The following BPNT2 variants were observed in gnomAD, a reference collection of about 807,000 sequenced individuals.
BPNT2 encodes the protein 3'(2'), 5'-bisphosphate nucleotidase 2, also known as Golgi-resident adenosine 3',5'-bisphosphate 3'-phosphatase.
A neutral mutation model predicts 29.3 loss-of-function variants in BPNT2; 11 were observed. The observed-to-expected ratio is 0.38, with a 90% CI of 0.24 to 0.62. BPNT2 has a LOEUF of 0.62. Among genes scored for constraint, BPNT2 ranks in the 20% least tolerant of loss-of-function variants. The probability of loss-of-function intolerance (pLI) is 0.62; values close to 1 mark genes in which losing one functional copy is unlikely to be tolerated. For synonymous variants in BPNT2, 195 were observed against 187.7 expected (o/e 1.04, Z -0.32); for missense variants, 459 against 473.4 (o/e 0.97, Z 0.28).
intron 3 of BPNT2, chr8:56,967,257 G>T (rs1267318393): frequency 4.4e-6 from 2 of 456,220 alleles, no homozygotes; most frequent in Non-Finnish European, 8.8e-6. Flanking sequence ...CTGAGTTTGG[G>T]TTTCTGAGTT....
In BPNT2 at chr8:56,993,636, CCCGCCGCCG is replaced by C. The variant is rs756084314; in HGVS notation, c.-60_-52del. 59 of 1,230,250 alleles carry C rather than the reference CCCGCCGCCG, an allele frequency of 4.8e-5. 1 individual carries two copies. The African/African-American group carries it at 5.1e-4, about 11-fold the overall frequency. The allele number at this position is 1,230,250 out of a possible 1,614,324, so 76.2% of individuals were successfully genotyped here. On this transcript the variant is annotated 5_prime_UTR_variant, in exon 1 of 5. Coordinates refer to ENST00000262644, the MANE Select transcript of BPNT2 (RefSeq NM_017813.5). Reference sequence around the variant, plus strand: ...CTGCGGCTCTCACAGGCCTCCAGCGCCCGCCGCCGCCGCCGCCGCAGCCGCCGCGCTCCG... The same window carrying C: ...CTGCGGCTCTCACAGGCCTCCAGCGCCCGCCGCCGCAGCCGCCGCGCTCCG...
chr8:56,993,756 G>T lies in BPNT2; in HGVS notation c.-171C>A. On this transcript the variant is annotated 5_prime_UTR_variant, in exon 1 of 5. Transcript: ENST00000262644. ...TCCCTCCCAGGAAAGGCCGAGTTGC[G>T]CCGCGAAGACCACCAACGCCGCCCC... 2.3e-6 allele frequency: 2 copies of T among 868,758 alleles called. No homozygotes were observed. Among genetic ancestry groups the T allele is most frequent in the Non-Finnish European group, 2.8e-6 (2 of 719,556 alleles). 53.8% of individuals were successfully genotyped at this position (868,758 alleles called of 1,614,324 possible).
intron 1 of BPNT2, among the ~76,000 whole-genome samples, chr8:56,988,059 C>T (rs144217093): frequency 3.8e-4 from 58 of 152,224 alleles, no homozygotes; most frequent in African/African-American, 1.3e-3. Context: ...TATAAATAAA[C>T]GTACCTCTAC....
In BPNT2 at chr8:56,963,160, T is replaced by C. The variant is rs1296105909; in HGVS notation, c.*633A>G. The stretch of plus-strand genomic sequence containing the variant: ...AACACACACACATACACACAGAAAT[T>C]ATTACAATGCAAATCATCATGTGTC... On this transcript the variant is annotated 3_prime_UTR_variant, in exon 5 of 5. Coordinates refer to ENST00000262644, the MANE Select transcript of BPNT2 (RefSeq NM_017813.5). 1.3e-5 allele frequency: 2 copies of C among 152,474 alleles called. No individual in the cohort carries two copies. The highest frequency in any genetic ancestry group is 4.8e-5 in the African/African-American group (2 of 41,434). The allele number at this position is 152,474 out of a possible 1,614,324, so 9.4% of individuals were successfully genotyped here.
intron 3 of BPNT2, among the ~76,000 whole-genome samples, chr8:56,969,112 A>G (rs1805993327): frequency 6.6e-6 from 1 of 152,220 alleles, no homozygotes; most frequent in South Asian, 2.1e-4. Context: ...CCAAGCCTGC[A>G]GAGAAAGTAT....
intron 3 of BPNT2, among the ~76,000 whole-genome samples, chr8:56,968,913 A>T (rs1458046589): frequency 1.3e-5 from 2 of 152,176 alleles, no homozygotes; most frequent in Non-Finnish European, 2.9e-5. Context: ...GTCATAGTGG[A>T]GTAAGGTGGG....
intron 3 of BPNT2, among the ~76,000 whole-genome samples, chr8:56,968,619 G>A (rs1467646779): frequency 1.3e-5 from 2 of 152,146 alleles, no homozygotes; most frequent in Non-Finnish European, 2.9e-5. Context: ...GCTGCAGTGA[G>A]CTATGATCAT....
intron 1 of BPNT2, among the ~76,000 whole-genome samples, chr8:56,983,068 G>A (rs1218821057): frequency 6.6e-6 from 1 of 152,164 alleles, no homozygotes; most frequent in East Asian, 1.9e-4. Flanking sequence ...GGTTGCCTGG[G>A]ATAAGGGATA....
At chr8:56,981,282 T>A (rs1315969592) in intron 1 of BPNT2, among the ~76,000 whole-genome samples, 1 of 152,126 alleles carries the variant, frequency 6.6e-6, no homozygotes, top group Non-Finnish European at 1.5e-5. Context: ...AAAATAATGT[T>A]TTGGCCAAGT....
Position 56,993,454 on chromosome 8 carries a change from C to A in BPNT2, c.132G>T (p.Glu44Asp). 2 of 1,477,346 alleles carry A rather than the reference C, an allele frequency of 1.4e-6. No individual in the cohort carries two copies. The highest frequency in any genetic ancestry group is 1.4e-5 in the South Asian group (1 of 73,912). 91.5% of individuals were successfully genotyped at this position (1,477,346 alleles called of 1,614,324 possible). A position where few individuals can be genotyped will look rare whatever the true frequency, so the allele number is the denominator to read the frequency against. The part of the protein sequence containing the change: ...GRFSLFGLGG[E>D]PGGGAAGPAA... Reference sequence around the variant, plus strand: ...CGGGCCCCGCCGCGCCGCCGCCAGGCTCGCCGCCCAGGCCGAAGAGGCTGA... The same window carrying A: ...CGGGCCCCGCCGCGCCGCCGCCAGGATCGCCGCCCAGGCCGAAGAGGCTGA... Residue 44 changes from glutamate to aspartate, a missense_variant, in exon 1 of 5, where the codon GAG (glutamate) becomes GAT (aspartate). Physicochemically the swap from Glu to Asp is conservative, Grantham distance 45 (BLOSUM62 2). Coordinates refer to ENST00000262644, the MANE Select transcript of BPNT2 (RefSeq NM_017813.5).
chr8:56,988,942 A>G (rs745665724), intron 1 of BPNT2, among the ~76,000 whole-genome samples: 14 of 152,128 alleles, frequency 9.2e-5, no homozygotes, highest in Non-Finnish European at 1.6e-4. Flanking sequence ...CTACAACCAT[A>G]ACCCTAATTC....
At chr8:56,988,757 G>GACAT (rs1428425076) in intron 1 of BPNT2, among the ~76,000 whole-genome samples, 2 of 152,008 alleles carry the variant, frequency 1.3e-5, no homozygotes, top group Non-Finnish European at 2.9e-5. Flanking sequence ...GCTAACCTTG[G>GACAT]ACATATCAAA....
intron 3 of BPNT2, chr8:56,967,093 C>T (rs988585822): frequency 8.8e-6 from 4 of 454,956 alleles, no homozygotes; most frequent in Admixed American, 2.4e-5. Flanking sequence ...TAAAACTATA[C>T]AAGAGAACAA....
intron 1 of BPNT2, among the ~76,000 whole-genome samples, chr8:56,992,265 T>C (rs1402553973): frequency 1.3e-5 from 2 of 152,124 alleles, no homozygotes; most frequent in Non-Finnish European, 2.9e-5. Flanking sequence ...GTGAAGACAA[T>C]TTTTCTTCCC....
At chr8:56,979,750 C>T (rs965046307) in intron 2 of BPNT2, among the ~76,000 whole-genome samples, 1 of 152,170 alleles carries the variant, frequency 6.6e-6, no homozygotes, top group Non-Finnish European at 1.5e-5. Context: ...TGTTTTGTTA[C>T]TTACTTGCCT....
intron 4 of BPNT2, 25 bp from the exon 5 acceptor site, chr8:56,964,089 GT>G: frequency 6.6e-7 from 1 of 1,524,638 alleles, no homozygotes; most frequent in South Asian, 1.2e-5. Context: ...AAGAATTTAG[GT>G]TATTATTCAA....
At position 56,963,823 on chromosome 8, in the gene BPNT2, G is replaced by T; in HGVS notation, c.1050C>A (p.Leu350=). The T allele has an allele frequency of 6.2e-7, 1 of 1,614,152 alleles. No individual in the cohort carries two copies. The highest frequency in any genetic ancestry group is 8.5e-7 in the Non-Finnish European group (1 of 1,180,032). The part of the protein sequence containing the change: ...RMNHQALVRK[L]PDLEKTGHK ...TATGTCCTGTCTTTTCTAGATCTGG[G>T]AGTTTTCTGACCAGGGCCTGGTGGT... The change falls in exon 5 of 5, where the codon CTC becomes CTA. Residue 350 remains leucine (L), a synonymous_variant. Transcript: ENST00000262644.
At chr8:56,973,357 C>T (rs1806068888) in intron 3 of BPNT2, among the ~76,000 whole-genome samples, 1 of 152,160 alleles carries the variant, frequency 6.6e-6, no homozygotes, top group East Asian at 1.9e-4. Flanking sequence ...CTGTCAATAC[C>T]AATAGTAGAG....
chr8:56,975,465 T>G (rs1466670623), intron 3 of BPNT2, among the ~76,000 whole-genome samples: 2 of 152,174 alleles, frequency 1.3e-5, no homozygotes, highest in Non-Finnish European at 2.9e-5. Context: ...TATGCCTGTT[T>G]TTTTAATTAA....
Sources: allele counts gnomAD v4.1 joint callset (sites outside exome capture counted in the v4.1 genomes callset), GRCh38; gene constraint gnomAD v4.1.1; transcripts MANE v1.5; gene names NCBI Gene and HGNC (gene_info 2026-07-23, HGNC 2026-07-21).